TCF25: variants seen among roughly 807,000 people sequenced by gnomAD.
The protein encoded by TCF25 is TCF25 ribosome quality control complex subunit.
In TCF25, 41 loss-of-function variants were observed where a neutral mutation model predicts 83.1. The observed-to-expected ratio is 0.49, with a 90% confidence interval of 0.38 to 0.64. The LOEUF is 0.64. Among genes scored for constraint, TCF25 ranks in the 30% least tolerant of loss-of-function variants. TCF25 has a pLI of 0.00. For missense variants in TCF25, 979 were observed against 914.5 expected (o/e 1.07, Z -0.91); for synonymous variants, 458 against 365.0 (o/e 1.25, Z -2.90).
At chr16:89,908,957 C>A (rs1321926306) in intron 16 of TCF25, 1 of 1,289,364 alleles carries the variant, frequency 7.8e-7, no homozygotes, top group East Asian at 5.6e-5. Context: ...TGGGTCTTTC[C>A]CCTCACAGGA....
intron 14 of TCF25, among the ~76,000 whole-genome samples, 191 bp downstream of exon 14, chr16:89,905,287 C>G (rs757604248): frequency 6.6e-6 from 1 of 152,184 alleles, no homozygotes. Context: ...TGGGAGGCAG[C>G]TGTGGTGATC....
At position 89,873,667 on chromosome 16, in the gene TCF25, T is replaced by C; in HGVS notation, c.-1T>C. 3 of 1,596,350 alleles carry C rather than the reference T, an allele frequency of 1.9e-6. No homozygotes were observed. The highest frequency in any genetic ancestry group is 2.6e-6 in the Non-Finnish European group (3 of 1,174,566). On this transcript the variant is annotated 5_prime_UTR_variant, in exon 1 of 18. Coordinates refer to ENST00000263346, the MANE Select transcript of TCF25 (RefSeq NM_014972.3). ...TCCAGACGTCGTGGTCGTTCGGTCC[T>C]ATGTCGCGCCGGGCCCTCCGGAGGC...
Position 89,895,223 on chromosome 16 carries a change from G to A in TCF25, c.928+86G>A, listed in dbSNP as rs924149201. On this transcript the variant is annotated intron_variant, in intron 8 of 17. Transcript: ENST00000263346. ...AGATGCGATGGTGTAAGATGACAGGGGTTGCCAGGATATCCATGACAGCTT... is the reference window on the plus strand; with the variant it reads ...AGATGCGATGGTGTAAGATGACAGGAGTTGCCAGGATATCCATGACAGCTT... 29 of 1,258,466 alleles carry A rather than the reference G, an allele frequency of 2.3e-5. No individual in the cohort carries two copies. The African/African-American group carries it at 4.0e-4, about 17-fold the overall frequency. The allele number at this position is 1,258,466 out of a possible 1,614,324, so 78.0% of individuals were successfully genotyped here. A position where few individuals can be genotyped will look rare whatever the true frequency, so the allele number is the denominator to read the frequency against.
chr16:89,911,011 C>T, intron 17 of TCF25, 69 bp from the exon 18 acceptor site: 2 of 1,590,208 alleles, frequency 1.3e-6, no homozygotes, highest in East Asian at 2.3e-5. Context: ...ACAGTGCCTC[C>T]TGCTTGGGCC....
rs1181994594 is a variant in TCF25 at position 89,911,289 on chromosome 16, T to C, written c.*51T>C. 4 of 1,599,908 alleles carry C rather than the reference T, an allele frequency of 2.5e-6. No homozygotes were observed. The Admixed American group carries it at 6.7e-5, about 27-fold the overall frequency. ...CGTATGATGATGTTCCCGATTTCTC[T>C]GTTGGTCGGAGTCGGCCAGTTGCCT... On this transcript the variant is annotated 3_prime_UTR_variant, in exon 18 of 18. Coordinates refer to ENST00000263346, the MANE Select transcript of TCF25 (RefSeq NM_014972.3).
At chr16:89,892,340 G>A in intron 6 of TCF25, 65 bp downstream of exon 6, 1 of 1,471,554 alleles carries the variant, frequency 6.8e-7, no homozygotes, top group South Asian at 1.2e-5. Flanking sequence ...ACTGGCCCCG[G>A]TACAGCAAAC....
intron 11 of TCF25, 124 bp from the exon 12 acceptor site, chr16:89,900,511 T>TG (rs1404923724): frequency 2.9e-5 from 33 of 1,131,922 alleles, no homozygotes; most frequent in Non-Finnish European, 4.0e-5. Flanking sequence ...AAGAGGCCCT[T>TG]GCGTTGCCTG....
chr16:89,910,546 G>C, intron 16 of TCF25, 45 bp from the exon 17 acceptor site: 1 of 1,605,450 alleles, frequency 6.2e-7, no homozygotes, highest in South Asian at 1.1e-5. Context: ...GGTCCCACGA[G>C]TCTCAGTTCA....
At chr16:89,875,191 A>C (rs909034628) in intron 1 of TCF25, among the ~76,000 whole-genome samples, 3 of 152,164 alleles carry the variant, frequency 2.0e-5, no homozygotes, top group African/African-American at 7.2e-5. Flanking sequence ...ATTTTTGTCA[A>C]TGTAATTTGT....
intron 12 of TCF25, 43 bp from the exon 13 acceptor site, chr16:89,904,075 G>T (rs780407749): frequency 6.3e-7 from 1 of 1,576,640 alleles, no homozygotes; most frequent in Admixed American, 1.8e-5. Flanking sequence ...AGTGGCTGGG[G>T]TGTGTGCTGA....
chr16:89,906,170 T>TTTCTCCCCG (rs756331554), intron 14 of TCF25, 24 bp from the exon 15 acceptor site: 1 of 1,607,036 alleles, frequency 6.2e-7, no homozygotes, highest in Non-Finnish European at 8.5e-7. Flanking sequence ...TTATCTGCTG[T>TTTCTCCCCG]GCCTTGTTTC....
At chr16:89,907,622 TCCCGCCTCCCTCATCCTAGTTCCCACCTC>T in intron 16 of TCF25, among the ~76,000 whole-genome samples, 1 of 133,834 alleles carries the variant, frequency 7.5e-6, no homozygotes, top group African/African-American at 2.9e-5. Context: ...ACCTCCCAGC[TCCCGCCTCCCTCATCCTAGTTCCCACCTC>T]CCAGCTCCCA....
intron 11 of TCF25, 128 bp from the exon 12 acceptor site, chr16:89,900,507 C>T: frequency 9.6e-7 from 1 of 1,039,470 alleles, no homozygotes; most frequent in Non-Finnish European, 1.3e-6. Flanking sequence ...TAGGAAGAGG[C>T]CCTTGCGTTG....
At chr16:89,879,390 A>G (rs866044776) in intron 1 of TCF25, among the ~76,000 whole-genome samples, 944 of 47,896 alleles carry the variant, frequency 0.02, no homozygotes, top group Middle Eastern at 0.041. Context: ...TGGGCTTCGG[A>G]GCCTGTCACA....
At chr16:89,874,773 A>ATT (rs113640417) in intron 1 of TCF25, 2 of 144,988 alleles carry the variant, frequency 1.4e-5, no homozygotes, top group Non-Finnish European at 3.0e-5. Flanking sequence ...CGCCCGGCTA[A>ATT]TTTTTTTTTT....
At chr16:89,893,393 C>T (rs1475981996) in intron 6 of TCF25, among the ~76,000 whole-genome samples, 2 of 152,174 alleles carry the variant, frequency 1.3e-5, no homozygotes, top group Non-Finnish European at 2.9e-5. Flanking sequence ...GGACAGTGCT[C>T]GGCGTGGTCA....
At position 89,887,711 on chromosome 16, in the gene TCF25, A is replaced by G. The variant is rs1423803294; in HGVS notation, c.608A>G (p.Glu203Gly). ...RYFGARAILG[E>G]QRPRQRQRVY... is the part of the protein sequence containing the mutation. ...TTTGGTGCCCGGGCAATCCTGGGGG[A>G]GCAAAGGTAAGGTCCACAGTGAGCT... Residue 203 changes from glutamate (E) to glycine (G), a missense_variant, in exon 5 of 18, where the codon GAG (glutamate) becomes GGG (glycine). Transcript: ENST00000263346. 1 of 1,588,122 alleles carries G rather than the reference A, an allele frequency of 6.3e-7. No homozygotes were observed. The highest frequency in any genetic ancestry group is 1.9e-5 in the Admixed American group (1 of 53,052).
At chr16:89,889,135 A>T (rs1019824718) in intron 5 of TCF25, 1 of 313,286 alleles carries the variant, frequency 3.2e-6, no homozygotes, top group Non-Finnish European at 6.1e-6. Flanking sequence ...GACTTTATGT[A>T]GGAGGTATAT....
In TCF25 at chr16:89,885,947, G is replaced by C. The variant is rs1315700851; in HGVS notation, c.529G>C (p.Val177Leu). 2 of 1,532,696 alleles carry C rather than the reference G, an allele frequency of 1.3e-6. No homozygotes were observed. The highest frequency in any genetic ancestry group is 1.8e-6 in the Non-Finnish European group (2 of 1,141,616). 94.9% of individuals were successfully genotyped at this position (1,532,696 alleles called of 1,614,324 possible). ...GPAPLSSRKH[V>L]LYVEHRHLNP... ...AGCTCCCCTGAGCTCCAGGAAGCAC[G>C]TTCTCTACGTGGAGCACAGGTGTGG... Residue 177 changes from valine (V) to leucine (L), a missense_variant, in exon 4 of 18, where the codon GTT (valine) becomes CTT (leucine). Physicochemically the swap from Val to Leu is conservative, Grantham distance 32. Transcript: ENST00000263346.
Sources: allele counts gnomAD v4.1 joint callset (sites outside exome capture counted in the v4.1 genomes callset), GRCh38; gene constraint gnomAD v4.1.1; transcripts MANE v1.5; gene names NCBI Gene and HGNC (gene_info 2026-07-23, HGNC 2026-07-21).